Variants in SGCE observed in about 807,000 individuals in gnomAD.
SGCE encodes the protein sarcoglycan epsilon, also known as epsilon-sarcoglycan.
SGCE carries 26 observed loss-of-function variants against 57.8 expected under a neutral mutation model. The ratio of observed to expected loss-of-function variants is 0.45; its 90% CI spans 0.33 to 0.62. The LOEUF (loss-of-function observed/expected upper bound fraction) is 0.62, where lower values mean the gene tolerates loss of function less well. SGCE is among the 20% of genes least tolerant of loss of function. SGCE has a pLI of 0.02. For missense variants in SGCE, 468 were observed against 548.6 expected (o/e 0.85, Z 1.47); for synonymous variants, 183 against 189.5 (o/e 0.97, Z 0.28).
chr7:94,627,907 A>C (rs1363951047), intron 3 of SGCE: 7 of 337,124 alleles, frequency 2.1e-5, no homozygotes, highest in Non-Finnish European at 3.9e-5. Flanking sequence ...AAGTCTATCA[A>C]GTCTACAATT....
At chr7:94,594,223 A>T (rs1798082129) in intron 9 of SGCE, among the ~76,000 whole-genome samples, 1 of 152,274 alleles carries the variant, frequency 6.6e-6, no homozygotes, top group South Asian at 2.1e-4. Flanking sequence ...CACAACAATG[A>T]TTCTTTGGGC....
intron 1 of SGCE, among the ~76,000 whole-genome samples, chr7:94,648,808 G>T (rs1452331902): frequency 2.0e-5 from 3 of 152,146 alleles, no homozygotes; most frequent in Admixed American, 2.0e-4. Flanking sequence ...GCTTTCCAAG[G>T]TAAAAGAGCA....
rs191400017 is a variant in SGCE at position 94,588,587 on chromosome 7, T to C, written c.1297+102A>G. The C allele has an allele frequency of 5.3e-5, 83 of 1,554,468 alleles. 1 individual carries two copies. In the East Asian group the frequency reaches 1.9e-3, roughly 35 times the overall value. ...AAGGAATGACACAAGTGTTTTGCCT[T>C]ATTTGGTGAAGATAAAGCTTCATAA... is the stretch of plus-strand genomic sequence containing the variant. On this transcript the variant is annotated intron_variant, in intron 10 of 10. Coordinates refer to ENST00000648936, the MANE Select transcript of SGCE (RefSeq NM_003919.3).
In SGCE at chr7:94,624,268, A is replaced by T. The variant is rs999058264; in HGVS notation, c.391-871T>A. 6 of 398,056 alleles carry T rather than the reference A, an allele frequency of 1.5e-5. No individual in the cohort carries two copies. The South Asian group carries it at 6.4e-4, about 42-fold the overall frequency. 24.7% of individuals were successfully genotyped at this position (398,056 alleles called of 1,614,324 possible). A position where few individuals can be genotyped will look rare whatever the true frequency, so the allele number is the denominator to read the frequency against. On this transcript the variant is annotated intron_variant, in intron 3 of 10. Coordinates refer to ENST00000648936, the MANE Select transcript of SGCE (RefSeq NM_003919.3). Reference sequence around the variant, plus strand: ...GGTGACACTGAGACAAAAGAGTAGGATAAAACTGACTTCAACTAAAAATAA... The same window carrying T: ...GGTGACACTGAGACAAAAGAGTAGGTTAAAACTGACTTCAACTAAAAATAA...
At chr7:94,646,807 A>G (rs1807153112) in intron 1 of SGCE, among the ~76,000 whole-genome samples, 1 of 152,232 alleles carries the variant, frequency 6.6e-6, no homozygotes, top group South Asian at 2.1e-4. Flanking sequence ...ATATTCTTAT[A>G]TTGTATGTTT....
chr7:94,636,209 C>T (rs1016670992), intron 1 of SGCE, among the ~76,000 whole-genome samples: 8 of 152,240 alleles, frequency 5.3e-5, no homozygotes, highest in African/African-American at 1.2e-4. Flanking sequence ...AAATGTCAAT[C>T]GGAAAAAGGT....
intron 9 of SGCE, among the ~76,000 whole-genome samples, chr7:94,593,708 A>G (rs1220139804): frequency 6.6e-6 from 1 of 152,096 alleles, no homozygotes; most frequent in East Asian, 1.9e-4. Context: ...GCTGAGAAGT[A>G]TAAACTCCCA....
chr7:94,642,183 T>G lies in SGCE; in HGVS notation c.110-12342A>C, dbSNP rs546807994. On this transcript the variant is annotated intron_variant, in intron 1 of 10. Transcript: ENST00000648936. ...TAAGCTACTGAATTTGTATTCAATT[T>G]AAAATATATGTCAAATTAAGAATAT... is the stretch of plus-strand genomic sequence containing the variant. Among the ~76,000 whole-genome samples, 4 of 152,286 alleles carry G rather than the reference T, an allele frequency of 2.6e-5. No homozygotes were observed. In the South Asian group the frequency reaches 8.3e-4, roughly 32 times the overall value.
At chr7:94,595,873 G>T (rs1227938995) in intron 9 of SGCE, among the ~76,000 whole-genome samples, 2 of 151,986 alleles carry the variant, frequency 1.3e-5, no homozygotes, top group African/African-American at 4.8e-5. Context: ...ATAAAAGAAA[G>T]ATAATATACA....
rs147387740 is a variant in SGCE, at chr7:94,598,791, A to G, written c.1237T>C (p.Leu413=). The change falls in exon 9 of 11, where the codon TTG becomes CTG. Residue 413 remains leucine (L), a synonymous_variant. Transcript: ENST00000648936. Reference sequence around the variant, plus strand: ...GACACTTACTGCTGCGTTTGCATCAATGGCATGTTTGTGCTATCATAGTTG... The same window carrying G: ...GACACTTACTGCTGCGTTTGCATCAGTGGCATGTTTGTGCTATCATAGTTG... ...TDNYDSTNMP[L]MQTQQNLPHQ... The G allele has an allele frequency of 2.5e-6, 4 of 1,612,014 alleles. No individual in the cohort carries two copies. In the African/African-American group the frequency reaches 4.0e-5, roughly 16 times the overall value.
chr7:94,617,751 G>C (rs1419800572), intron 5 of SGCE: 1 of 151,550 alleles, frequency 6.6e-6, no homozygotes, highest in Admixed American at 6.6e-5. Flanking sequence ...AAATTTTTAA[G>C]TTGGACTTTA....
intron 1 of SGCE, chr7:94,644,764 T>A (rs1002653705): frequency 1.9e-5 from 8 of 410,640 alleles, no homozygotes; most frequent in African/African-American, 1.7e-4. Context: ...ATCCAAGTTG[T>A]TACGCTGCTC....
intron 5 of SGCE, among the ~76,000 whole-genome samples, chr7:94,604,523 C>T (rs566186579): frequency 5.3e-5 from 8 of 151,344 alleles, no homozygotes; most frequent in South Asian, 4.2e-4. Context: ...TCATCTGGTA[C>T]GGGCATAGGA....
intron 5 of SGCE, among the ~76,000 whole-genome samples, chr7:94,613,292 T>C (rs1801358091): frequency 6.6e-6 from 1 of 152,238 alleles, no homozygotes; most frequent in African/African-American, 2.4e-5. Flanking sequence ...ATAATAACTA[T>C]GCTACACATG....
intron 5 of SGCE, among the ~76,000 whole-genome samples, chr7:94,610,424 G>A (rs755446326): frequency 3.5e-4 from 53 of 152,164 alleles, no homozygotes; most frequent in Non-Finnish European, 5.0e-4. Flanking sequence ...GGTGGGGGAT[G>A]TTGATAATGG....
At chr7:94,641,415 G>T (rs910106131) in intron 1 of SGCE, among the ~76,000 whole-genome samples, 18 of 152,152 alleles carry the variant, frequency 1.2e-4, no homozygotes, top group African/African-American at 4.3e-4. Flanking sequence ...TGGACAGAAG[G>T]TTGGTTATTT....
chr7:94,611,684 AAAATG>A (rs537363953), intron 5 of SGCE, among the ~76,000 whole-genome samples: 9 of 152,176 alleles, frequency 5.9e-5, no homozygotes, highest in South Asian at 2.1e-4. Context: ...TTATTTTTTT[AAAATG>A]AAATGAAATA....
At chr7:94,599,903 G>A in intron 7 of SGCE, 180 bp from the exon 8 acceptor site, 3 of 501,414 alleles carry the variant, frequency 6.0e-6, no homozygotes, top group Non-Finnish European at 7.1e-6. Context: ...ATACAGCGAT[G>A]GAATACTGAT....
chr7:94,618,770 T>A lies in SGCE; in HGVS notation c.650A>T (p.Asp217Val). 1.2e-6 allele frequency: 2 copies of A among 1,613,762 alleles called. No homozygotes were observed. Among genetic ancestry groups the A allele is most frequent in the Non-Finnish European group, 1.7e-6 (2 of 1,179,724 alleles). Residue 217 changes from aspartate to valine, a missense_variant, in exon 5 of 11, where the codon GAC (aspartate) becomes GTC (valine). Physicochemically the swap from Asp to Val is radical, Grantham distance 152 (BLOSUM62 -3). Transcript: ENST00000648936. ...RGGRVPLPIN[D>V]LKEGVYVMVG... ...AAGATCTGCTTACCCCTCCTTCAGG[T>A]CATTAATGGGAAGTGGCACCCTGCC... is the stretch of plus-strand genomic sequence containing the variant.
Sources: allele counts gnomAD v4.1 joint callset (sites outside exome capture counted in the v4.1 genomes callset), GRCh38; gene constraint gnomAD v4.1.1; transcripts MANE v1.5; gene names NCBI Gene and HGNC (gene_info 2026-07-23, HGNC 2026-07-21).